Variants in TASP1 observed in about 807,000 individuals in gnomAD.
The protein encoded by TASP1 is taspase 1.
TASP1 carries 16 observed loss-of-function variants against 56.6 expected under a neutral mutation model. The observed-to-expected ratio is 0.28, with a 90% CI of 0.19 to 0.43. The LOEUF is 0.43. Among genes scored for constraint, TASP1 ranks in the 20% least tolerant of loss-of-function variants. The probability of loss-of-function intolerance (pLI) is 1.00; values close to 1 mark genes in which losing one functional copy is unlikely to be tolerated. For missense variants in TASP1, 393 were observed against 511.6 expected (o/e 0.77, Z 2.24); for synonymous variants, 179 against 184.2 (o/e 0.97, Z 0.23).
chr20:13,393,673 A>G (rs1332306129), intron 13 of TASP1: 2 of 1,295,006 alleles, frequency 1.5e-6, no homozygotes, highest in Non-Finnish European at 2.2e-6. Context: ...TCCAAGGAAT[A>G]AGACCCCTGG....
the TASP1 span, among the ~76,000 whole-genome samples, chr20:13,105,321 A>T: frequency 2.6e-5 from 4 of 152,008 alleles, no homozygotes; most frequent in African/African-American, 9.7e-5. Flanking sequence ...TGGTGTGTTG[A>T]CCCTGGGGGG....
rs546419566 is a variant in TASP1 at position 13,469,792 on chromosome 20, C to CTTTTTTT, written c.985+13428_985+13434dup. ...ACAGTTGTCCAGGTCAATAAATGTC[C>CTTTTTTT]TTTTTTTTTTTTTTTTTTTTTTTTT... On this transcript the variant is annotated intron_variant, in intron 11 of 13. Transcript: ENST00000337743. Among the ~76,000 whole-genome samples, 371 of 39,540 alleles carry CTTTTTTT rather than the reference C, an allele frequency of 9.4e-3. 78 individuals are homozygous for CTTTTTTT. The highest frequency in any genetic ancestry group is 0.038 in the Middle Eastern group (1 of 26). The allele number at this position is 39,540 out of a possible 152,430, so 25.9% of individuals were successfully genotyped here.
intron 8 of TASP1, among the ~76,000 whole-genome samples, chr20:13,542,398 A>T (rs1028252346): frequency 2.0e-5 from 3 of 152,208 alleles, no homozygotes; most frequent in Non-Finnish European, 4.4e-5. Flanking sequence ...AAAAACAGAG[A>T]AATCAACAAA....
chr20:13,549,224 C>T (rs1344518536), intron 8 of TASP1, among the ~76,000 whole-genome samples: 1 of 152,118 alleles, frequency 6.6e-6, no homozygotes, highest in Non-Finnish European at 1.5e-5. Context: ...TCCCTCCACT[C>T]CTCAAGTAAT....
chr20:13,117,750 G>T, the TASP1 span: 18 of 1,580,300 alleles, frequency 1.1e-5, no homozygotes, highest in Non-Finnish European at 5.2e-6. Flanking sequence ...GCTTGTGTCT[G>T]TTTAAAACCT....
chr20:13,638,306 CTCTCCTTCCG>C (rs2044523110), intron 1 of TASP1, among the ~76,000 whole-genome samples: 1 of 152,092 alleles, frequency 6.6e-6, no homozygotes, highest in South Asian at 2.1e-4. Context: ...AAGTTGAACT[CTCTCCTTCCG>C]GAAACACGAT....
rs149913207 is a variant in TASP1, at chr20:13,517,783, A to C, written c.874+10650T>G. Among the ~76,000 whole-genome samples, 495 of 152,308 alleles carry C rather than the reference A, an allele frequency of 3.2e-3. 2 individuals carry two copies. The highest frequency in any genetic ancestry group is 0.012 in the East Asian group (60 of 5,178). On this transcript the variant is annotated intron_variant, in intron 10 of 13. Coordinates refer to ENST00000337743, the MANE Select transcript of TASP1 (RefSeq NM_017714.3). ...GAATTCTACATAATTGCATACCATC[A>C]GTGACTTTACTTATATAAAAAGCAA...
chr20:13,472,921 G>A (rs113538959), intron 11 of TASP1, among the ~76,000 whole-genome samples: 3,387 of 152,178 alleles, frequency 0.022, 59 homozygotes, highest in Non-Finnish European at 0.031. Context: ...GTGGAAGACA[G>A]TGTGGCGATT....
chr20:13,188,414 G>A, the TASP1 span, among the ~76,000 whole-genome samples: 1 of 151,898 alleles, frequency 6.6e-6, no homozygotes, highest in Admixed American at 6.6e-5. Flanking sequence ...ATCTGAAAAA[G>A]AAATCAAGAA....
chr20:13,126,436 T>C, the TASP1 span, among the ~76,000 whole-genome samples: 2 of 152,202 alleles, frequency 1.3e-5, no homozygotes, highest in Non-Finnish European at 2.9e-5. Flanking sequence ...AATAAATAGT[T>C]TGATGAAAAC....
At chr20:13,342,072 G>A in the TASP1 span, among the ~76,000 whole-genome samples, 10 of 152,168 alleles carry the variant, frequency 6.6e-5, no homozygotes, top group African/African-American at 1.9e-4. Context: ...TATAGCAGGC[G>A]AGGAACTAGA....
chr20:13,416,447 C>T (rs900366540), intron 13 of TASP1, among the ~76,000 whole-genome samples: 3 of 152,118 alleles, frequency 2.0e-5, no homozygotes, highest in African/African-American at 7.2e-5. Flanking sequence ...ATGTTCTTTA[C>T]ACTACTCACA....
the TASP1 span, among the ~76,000 whole-genome samples, chr20:13,260,566 T>C: frequency 6.6e-6 from 1 of 152,000 alleles, no homozygotes; most frequent in African/African-American, 2.4e-5. Flanking sequence ...CTCCCCACCC[T>C]CAATTTGATG....
chr20:13,462,861 T>A (rs1044203076), intron 11 of TASP1, among the ~76,000 whole-genome samples: 1 of 152,104 alleles, frequency 6.6e-6, no homozygotes, highest in Non-Finnish European at 1.5e-5. Context: ...AAAATATTTT[T>A]AAAAATAAAT....
the TASP1 span, among the ~76,000 whole-genome samples, chr20:13,221,254 TCC>T: frequency 1.0e-4 from 12 of 117,688 alleles, no homozygotes; most frequent in African/African-American, 3.7e-4. Context: ...CTCCTCCTCC[TCC>T]TCCTCCTTCT....
At chr20:13,393,659 G>T (rs2041381065) in intron 13 of TASP1, 1 of 1,303,558 alleles carries the variant, frequency 7.7e-7, no homozygotes, top group East Asian at 2.3e-5. Flanking sequence ...TGGCCCACAT[G>T]GCCTCCAAGG....
intron 1 of TASP1, among the ~76,000 whole-genome samples, chr20:13,632,395 GA>G (rs1252835739): frequency 6.7e-6 from 1 of 149,892 alleles, no homozygotes; most frequent in Non-Finnish European, 1.5e-5. Context: ...AAGAAAAAAA[GA>G]AAAGAAAAGA....
the TASP1 span, among the ~76,000 whole-genome samples, chr20:13,328,089 G>A: frequency 2.0e-4 from 30 of 151,920 alleles, no homozygotes; most frequent in Non-Finnish European, 3.2e-4. Context: ...GAGTCTACGA[G>A]GAACTTAAAC....
chr20:13,634,858 G>A (rs1364138641), intron 1 of TASP1, among the ~76,000 whole-genome samples: 4 of 151,010 alleles, frequency 2.6e-5, no homozygotes, highest in Admixed American at 6.6e-5. Context: ...GAGAAACCCC[G>A]TCTCTACTAA....
Sources: gnomAD v4.1 joint callset for allele counts (sites outside exome capture counted in the v4.1 genomes callset) on GRCh38, gnomAD v4.1.1 for gene constraint, MANE v1.5 for transcripts, NCBI Gene and HGNC (gene_info 2026-07-23, HGNC 2026-07-21) for gene names.